Variants in MAOB observed in about 807,000 individuals in gnomAD.
The protein encoded by MAOB is monoamine oxidase B.
Under a neutral mutation model 41.9 loss-of-function variants are expected in MAOB, and 15 were observed. That is an observed-to-expected ratio of 0.36 (90% CI 0.24 to 0.55). MAOB has a LOEUF of 0.55. Ranked by LOEUF, MAOB falls within the 20% of genes least tolerant of loss-of-function variation. The pLI is 0.86. For missense variants in MAOB, 345 were observed against 398.7 expected, an observed-to-expected ratio of 0.87 and a Z score of 1.15; for synonymous variants, 167 against 144.2, an observed-to-expected ratio of 1.16 and a Z score of -1.13.
chrX:43,774,817 A>C (rs1422976361), intron 12 of MAOB, among the ~76,000 whole-genome samples: 1 of 111,602 alleles, frequency 9.0e-6, no homozygotes, highest in African/African-American at 3.3e-5. Flanking sequence ...TTTTATGGGT[A>C]CAGAGTAGGT....
chrX:43,815,323 G>A (rs2034796618), intron 3 of MAOB, among the ~76,000 whole-genome samples: 1 of 111,589 alleles, frequency 9.0e-6, no homozygotes, highest in African/African-American at 3.3e-5. Context: ...CTTTATTTAG[G>A]ACATGTAATT....
chrX:43,851,682 T>C, intron 1 of MAOB, among the ~76,000 whole-genome samples: 1 of 111,631 alleles, frequency 9.0e-6, no homozygotes, highest in Non-Finnish European at 1.9e-5. Flanking sequence ...GTGTTACAAA[T>C]GTTATGAAGA....
chrX:43,859,900 T>G (rs1453864229), intron 1 of MAOB, among the ~76,000 whole-genome samples: 1 of 112,074 alleles, frequency 8.9e-6, no homozygotes, highest in African/African-American at 3.2e-5. Context: ...CCATCTCTAT[T>G]TCCCCAACTC....
chrX:43,821,622 T>TA (rs1397872252), intron 3 of MAOB, among the ~76,000 whole-genome samples: 1 of 111,703 alleles, frequency 9.0e-6, no homozygotes, highest in Non-Finnish European at 1.9e-5. Context: ...GAAATTGACT[T>TA]CTAAAATAAA....
In MAOB at chrX:43,870,288, A is replaced by G. The variant is rs1185079287; in HGVS notation, c.46+11966T>C. Among the ~76,000 whole-genome samples, 4 of 112,223 alleles carry G rather than the reference A, an allele frequency of 3.6e-5. No individual in the cohort carries two copies. In the East Asian group the frequency reaches 1.1e-3, roughly 32 times the overall value. On this transcript the variant is annotated intron_variant, in intron 1 of 14. Coordinates refer to ENST00000378069, the MANE Select transcript of MAOB (RefSeq NM_000898.5). ...AAAAGAAGGAATCCATATTTTGAGC[A>G]CTTCCAGATCGGAGGCTCTAAATTT...
chrX:43,806,994 C>T (rs2034671389), intron 3 of MAOB, among the ~76,000 whole-genome samples: 1 of 111,550 alleles, frequency 9.0e-6, no homozygotes, highest in African/African-American at 3.3e-5. Flanking sequence ...TGCCCAAGCC[C>T]TAGGATCTGT....
chrX:43,862,983 A>G (rs977631133), intron 1 of MAOB, among the ~76,000 whole-genome samples: 1 of 112,063 alleles, frequency 8.9e-6, no homozygotes, highest in African/African-American at 3.2e-5. Context: ...TTAGAATACC[A>G]CATTCACTCT....
chrX:43,840,664 G>T (rs1000884402), intron 2 of MAOB, among the ~76,000 whole-genome samples: 3 of 110,533 alleles, frequency 2.7e-5, no homozygotes, highest in African/African-American at 9.9e-5. Flanking sequence ...GTGGGGTGTC[G>T]CCTTACCTGG....
chrX:43,807,025 C>T (rs1395618642), intron 3 of MAOB, among the ~76,000 whole-genome samples: 1 of 111,623 alleles, frequency 9.0e-6, no homozygotes, highest in Non-Finnish European at 1.9e-5. Flanking sequence ...AGAAGGCTTT[C>T]CTTTTATCAA....
At chrX:43,798,556 G>A in intron 5 of MAOB, among the ~76,000 whole-genome samples, 1 of 111,626 alleles carries the variant, frequency 9.0e-6, no homozygotes, top group East Asian at 2.8e-4. Flanking sequence ...TCACCTATCA[G>A]GAAGCACACC....
intron 3 of MAOB, among the ~76,000 whole-genome samples, chrX:43,808,594 A>T (rs888279210): frequency 9.0e-6 from 1 of 110,635 alleles, no homozygotes; most frequent in Non-Finnish European, 1.9e-5. Flanking sequence ...ACTAACCATG[A>T]CCTGCATGTG....
chrX:43,808,684 C>CTA (rs1320759341), intron 3 of MAOB, among the ~76,000 whole-genome samples: 36 of 97,847 alleles, frequency 3.7e-4, no homozygotes, highest in Non-Finnish European at 6.3e-4. Flanking sequence ...ATATCTATAT[C>CTA]TATATCTACA....
intron 1 of MAOB, among the ~76,000 whole-genome samples, chrX:43,846,985 G>A (rs1009918427): frequency 2.7e-5 from 3 of 111,938 alleles, no homozygotes; most frequent in Non-Finnish European, 3.8e-5. Flanking sequence ...CAATGTAATC[G>A]CCACTGTTTA....
rs1331684522 is a variant in MAOB at position 43,856,975 on chromosome X, A to C, written c.47-13211T>G. Among the ~76,000 whole-genome samples, 14 of 100,449 alleles carry C rather than the reference A, an allele frequency of 1.4e-4. 1 individual carries two copies. In the Admixed American group the frequency reaches 1.5e-3, roughly 11 times the overall value. The allele number at this position is 100,449 out of a possible 115,157, so 87.2% of individuals were successfully genotyped here. On this transcript the variant is annotated intron_variant, in intron 1 of 14. Transcript: ENST00000378069. ...ATTTAATTTTTTTTTTTTTCATTTA[A>C]GGTAAAAGCATTGGATCCAGGGCCT...
chrX:43,773,917 G>C (rs1324487604), intron 12 of MAOB, among the ~76,000 whole-genome samples: 1 of 111,912 alleles, frequency 8.9e-6, no homozygotes, highest in Non-Finnish European at 1.9e-5. Context: ...TGTGAAAATA[G>C]AGTAACACAG....
intron 3 of MAOB, among the ~76,000 whole-genome samples, chrX:43,832,602 A>C (rs1055756184): frequency 5.4e-5 from 6 of 112,140 alleles, no homozygotes; most frequent in Middle Eastern, 9.4e-3. Context: ...TTTTCTTAAT[A>C]ACATTTTCTT....
At chrX:43,778,242 G>A (rs2034284854) in intron 11 of MAOB, among the ~76,000 whole-genome samples, 1 of 110,671 alleles carries the variant, frequency 9.0e-6, no homozygotes, top group Non-Finnish European at 1.9e-5. Flanking sequence ...GGTAGGTATA[G>A]GTTTATGTAC....
chrX:43,795,665 C>T (rs1018635021), intron 7 of MAOB, 74 bp downstream of exon 7: 5 of 928,092 alleles, frequency 5.4e-6, no homozygotes, highest in Non-Finnish European at 7.5e-6. Flanking sequence ...TCTGGAGATT[C>T]TAAGAATTTT....
intron 3 of MAOB, among the ~76,000 whole-genome samples, chrX:43,820,546 C>T (rs1052642717): frequency 3.6e-5 from 4 of 111,795 alleles, no homozygotes; most frequent in Non-Finnish European, 7.5e-5. Flanking sequence ...CCATAATCAT[C>T]GCAAACTCTT....
Sources: allele counts gnomAD v4.1 joint callset (sites outside exome capture counted in the v4.1 genomes callset), GRCh38; gene constraint gnomAD v4.1.1; transcripts MANE v1.5; gene names NCBI Gene and HGNC (gene_info 2026-07-23, HGNC 2026-07-21).